The following VAPB variants were observed in gnomAD, a reference collection of about 807,000 sequenced individuals.
VAPB encodes the protein vesicle-associated membrane protein-associated protein B/C.
In VAPB, 7 loss-of-function variants were observed where a neutral mutation model predicts 25.6. That is an observed-to-expected ratio of 0.27 (90% CI 0.16 to 0.51). The LOEUF (loss-of-function observed/expected upper bound fraction) is 0.51, where lower values mean the gene tolerates loss of function less well. Ranked by LOEUF, VAPB falls within the 20% of genes least tolerant of loss-of-function variation. The pLI is 0.97. For synonymous variants in VAPB, 112 were observed against 109.2 expected, an observed-to-expected ratio of 1.03 and a Z score of -0.16; for missense variants, 266 against 301.3, an observed-to-expected ratio of 0.88 and a Z score of 0.87.
At chr20:58,398,157 G>GCC (rs1218789010) in intron 1 of VAPB, among the ~76,000 whole-genome samples, 1 of 152,190 alleles carries the variant, frequency 6.6e-6, no homozygotes, top group African/African-American at 2.4e-5. Flanking sequence ...GTTGCACAAA[G>GCC]TCATCTAGCA....
chr20:58,395,152 CTTTTTT>C (rs397865707), intron 1 of VAPB, among the ~76,000 whole-genome samples: 1 of 128,558 alleles, frequency 7.8e-6, no homozygotes, highest in Admixed American at 7.9e-5. Context: ...CCAAAAGTGT[CTTTTTT>C]TTTTTTTTTT....
At chr20:58,418,159 C>T in intron 1 of VAPB, 52 bp from the exon 2 acceptor site, 1 of 1,612,330 alleles carries the variant, frequency 6.2e-7, no homozygotes, top group African/African-American at 1.3e-5. Flanking sequence ...TTCCACAAAC[C>T]TTCTAAACTT....
At chr20:58,419,940 T>TA (rs1988633496) in intron 2 of VAPB, among the ~76,000 whole-genome samples, 2 of 152,274 alleles carry the variant, frequency 1.3e-5, no homozygotes, top group South Asian at 4.2e-4. Context: ...GTGTGTTTTC[T>TA]GATATAAAAT....
At chr20:58,395,152 CTTTT>C (rs397865707) in intron 1 of VAPB, among the ~76,000 whole-genome samples, 2 of 128,562 alleles carry the variant, frequency 1.6e-5, no homozygotes, top group Non-Finnish European at 1.6e-5. Context: ...CCAAAAGTGT[CTTTT>C]TTTTTTTTTT....
chr20:58,434,719 G>A lies in VAPB; in HGVS notation c.315+14G>A, dbSNP rs750723204. 1.4e-5 allele frequency: 18 copies of A among 1,272,660 alleles called. No homozygotes were observed. The highest frequency in any genetic ancestry group is 1.2e-4 in the South Asian group (10 of 84,054). The allele number at this position is 1,272,660 out of a possible 1,614,324, so 78.8% of individuals were successfully genotyped here. On this transcript the variant is annotated intron_variant, in intron 3 of 5. Coordinates refer to ENST00000475243, the MANE Select transcript of VAPB (RefSeq NM_004738.5). ...ATGGAAGCAGTAGTAAGTACTGAAT[G>A]CTTCTTATTTTTTTCAGTAACAATA...
intron 2 of VAPB, among the ~76,000 whole-genome samples, chr20:58,421,680 AGAG>A (rs1988672868): frequency 6.6e-6 from 1 of 151,678 alleles, no homozygotes; most frequent in Admixed American, 6.6e-5. Flanking sequence ...TATTTTAAAG[AGAG>A]GAGGGAGGGA....
In VAPB at chr20:58,413,317, C is replaced by T. The variant is rs575154842; in HGVS notation, c.59-4894C>T. ...GCGGCCTTCCGCAGTGTTTGTGTCC[C>T]TGGGTACTTGAGATTAGGGACTGGT... On this transcript the variant is annotated intron_variant, in intron 1 of 5. Transcript: ENST00000475243. 7.2e-3 allele frequency among the ~76,000 whole-genome samples: 1,098 copies of T among 151,778 alleles called. 5 individuals carry two copies. The highest frequency in any genetic ancestry group is 0.017 in the Middle Eastern group (5 of 294).
Position 58,440,803 on chromosome 20 carries a change from A to G in VAPB, c.397-104A>G, listed in dbSNP as rs1446927782. On this transcript the variant is annotated intron_variant, in intron 4 of 5. Coordinates refer to ENST00000475243, the MANE Select transcript of VAPB (RefSeq NM_004738.5). ...ATGTGACATTTTACAGTGTGGATGA[A>G]ATGCTACCACGTTTGGTGTTTGCTG... 4.8e-6 allele frequency: 5 copies of G among 1,039,996 alleles called. No homozygotes were observed. The Admixed American group carries it at 8.4e-5, about 17-fold the overall frequency. The allele number at this position is 1,039,996 out of a possible 1,614,324, so 64.4% of individuals were successfully genotyped here.
rs1410987061 is a variant in VAPB, at chr20:58,389,466, A to G, written c.7A>G (p.Lys3Glu). 3 of 1,596,428 alleles carry G rather than the reference A, an allele frequency of 1.9e-6. No homozygotes were observed. In the East Asian group the frequency reaches 6.8e-5, roughly 36 times the overall value. MA[K>E]VEQVLSLEPQ... is the part of the protein sequence containing the mutation. ...TGCTCCGCCGCTAAGGAACATGGCG[A>G]AGGTGGAGCAGGTCCTGAGCCTCGA... is the stretch of plus-strand genomic sequence containing the variant. The change falls in exon 1 of 6, where the codon AAG becomes GAG. Residue 3 changes from lysine to glutamate, a missense_variant. Lys to Glu is a moderately conservative substitution (Grantham distance 56, BLOSUM62 1). Around this residue, in one of 3 missense-constraint regions of VAPB, gnomAD observed 32 missense variants for 23.5 expected, o/e 1.36. Coordinates refer to ENST00000475243, the MANE Select transcript of VAPB (RefSeq NM_004738.5).
intron 2 of VAPB, among the ~76,000 whole-genome samples, chr20:58,433,558 C>T (rs749843476): frequency 3.9e-5 from 6 of 152,198 alleles, no homozygotes; most frequent in Non-Finnish European, 7.3e-5. Flanking sequence ...GGTCCCCACA[C>T]CAACTGCCTG....
At chr20:58,417,435 G>A (rs966201748) in intron 1 of VAPB, among the ~76,000 whole-genome samples, 4 of 152,132 alleles carry the variant, frequency 2.6e-5, no homozygotes, top group African/African-American at 9.7e-5. Context: ...TTATTGTTTG[G>A]TTTAAGAAGC....
intron 1 of VAPB, among the ~76,000 whole-genome samples, chr20:58,406,174 G>A (rs1379961341): frequency 6.6e-6 from 1 of 152,138 alleles, no homozygotes; most frequent in Non-Finnish European, 1.5e-5. Context: ...TGAGTCTGGA[G>A]CTCAGGGGAG....
chr20:58,444,394 C>A lies in VAPB; in HGVS notation c.*159C>A. 1.0e-6 allele frequency: 1 copy of A among 958,574 alleles called. No homozygotes were observed. The highest frequency in any genetic ancestry group is 1.7e-6 in the Non-Finnish European group (1 of 602,854). 59.4% of individuals were successfully genotyped at this position (958,574 alleles called of 1,614,324 possible). On this transcript the variant is annotated 3_prime_UTR_variant, in exon 6 of 6. Coordinates refer to ENST00000475243, the MANE Select transcript of VAPB (RefSeq NM_004738.5). The stretch of plus-strand genomic sequence containing the variant: ...CCCTGCACACACATACACAGATACA[C>A]ACACACAAATATAATGTAACGATCT...
At chr20:58,408,311 C>G (rs1988282802) in intron 1 of VAPB, among the ~76,000 whole-genome samples, 2 of 152,224 alleles carry the variant, frequency 1.3e-5, no homozygotes, top group South Asian at 2.1e-4. Context: ...AAGAGTTCTT[C>G]AGGAAAGTTA....
chr20:58,441,604 T>C (rs1045237469), intron 5 of VAPB, among the ~76,000 whole-genome samples: 1 of 152,214 alleles, frequency 6.6e-6, no homozygotes, highest in Non-Finnish European at 1.5e-5. Flanking sequence ...ATCGTGCCAC[T>C]GCCCTCCAGC....
intron 1 of VAPB, among the ~76,000 whole-genome samples, chr20:58,399,732 A>T (rs1988049530): frequency 6.9e-6 from 1 of 144,332 alleles, no homozygotes; most frequent in Non-Finnish European, 1.5e-5. Context: ...AAAAAAAAAA[A>T]TCCTTCTATG....
chr20:58,389,336 C>A lies in VAPB; in HGVS notation c.-124C>A. The A allele has an allele frequency of 8.8e-7, 1 of 1,130,124 alleles. No homozygotes were observed. Among genetic ancestry groups the A allele is most frequent in the South Asian group, 1.3e-5 (1 of 74,592 alleles). 70.0% of individuals were successfully genotyped at this position (1,130,124 alleles called of 1,614,324 possible). A position where few individuals can be genotyped will look rare whatever the true frequency, so the allele number is the denominator to read the frequency against. ...CAGCGCGCCCACCCGGTAGAGGACC[C>A]CCGCCCGTGCCCCGACCGGTCCCCG... On this transcript the variant is annotated 5_prime_UTR_variant, in exon 1 of 6. Coordinates refer to ENST00000475243, the MANE Select transcript of VAPB (RefSeq NM_004738.5).
chr20:58,394,848 G>A (rs1987907709), intron 1 of VAPB, among the ~76,000 whole-genome samples: 1 of 152,162 alleles, frequency 6.6e-6, no homozygotes, highest in African/African-American at 2.4e-5. Context: ...ATAATTACCT[G>A]GGAGCTTTTC....
chr20:58,413,726 G>A (rs1445635749), intron 1 of VAPB, among the ~76,000 whole-genome samples: 3 of 151,832 alleles, frequency 2.0e-5, no homozygotes, highest in Non-Finnish European at 4.4e-5. Context: ...GGGCGGCCGG[G>A]CAGAGGCGCC....
Sources: allele counts gnomAD v4.1 joint callset (sites outside exome capture counted in the v4.1 genomes callset), GRCh38; gene constraint gnomAD v4.1.1; regional missense constraint gnomAD v4.1.1; transcripts MANE v1.5; gene names NCBI Gene and HGNC (gene_info 2026-07-23, HGNC 2026-07-21).